The following TNFRSF10B variants were observed in gnomAD, a reference collection of about 807,000 sequenced individuals.
The protein encoded by TNFRSF10B is tumor necrosis factor receptor superfamily member 10B.
A neutral mutation model predicts 41.4 loss-of-function variants in TNFRSF10B; 35 were observed. That is an observed-to-expected ratio of 0.85 (90% confidence interval 0.65 to 1.12). TNFRSF10B has a LOEUF of 1.12. Ranked by LOEUF, TNFRSF10B falls within the 50% of genes most tolerant of loss-of-function variation. The pLI, the probability that TNFRSF10B is intolerant of heterozygous loss-of-function variation, is 0.00. For missense variants in TNFRSF10B, 584 were observed against 552.7 expected (o/e 1.06, Z -0.57); for synonymous variants, 230 against 215.5 (o/e 1.07, Z -0.59).
intron 1 of TNFRSF10B, among the ~76,000 whole-genome samples, chr8:23,067,969 A>G (rs1813044248): frequency 1.3e-5 from 2 of 152,210 alleles, no homozygotes; most frequent in African/African-American, 4.8e-5. Flanking sequence ...TGTTCCCTAC[A>G]AAGCCGACTC....
In TNFRSF10B at chr8:23,060,286, A is replaced by C. The variant is rs192930316; in HGVS notation, c.144+8465T>G. 1.9e-3 allele frequency among the ~76,000 whole-genome samples: 293 copies of C among 152,230 alleles called. 1 individual carries two copies. The highest frequency in any genetic ancestry group is 6.7e-3 in the African/African-American group (280 of 41,540). Reference sequence around the variant, plus strand: ...CTATAGCTTTAGCACTTACATTTACATCTTTTATTTGTTTTTAGCTATTTT... The same window carrying C: ...CTATAGCTTTAGCACTTACATTTACCTCTTTTATTTGTTTTTAGCTATTTT... On this transcript the variant is annotated intron_variant, in intron 1 of 8. Coordinates refer to ENST00000276431, the MANE Select transcript of TNFRSF10B (RefSeq NM_003842.5).
At chr8:23,064,286 G>A (rs1357175520) in intron 1 of TNFRSF10B, among the ~76,000 whole-genome samples, 1 of 152,184 alleles carries the variant, frequency 6.6e-6, no homozygotes, top group African/African-American at 2.4e-5. Context: ...AATGGGGGAG[G>A]GGAGTAAAAA....
intron 1 of TNFRSF10B, among the ~76,000 whole-genome samples, chr8:23,052,669 G>T (rs1245788303): frequency 6.6e-6 from 1 of 152,176 alleles, no homozygotes; most frequent in Admixed American, 6.5e-5. Flanking sequence ...AAATAAGAGA[G>T]ATATACAGAA....
intron 1 of TNFRSF10B, among the ~76,000 whole-genome samples, chr8:23,058,371 C>A (rs527804493): frequency 2.0e-5 from 3 of 152,176 alleles, no homozygotes; most frequent in African/African-American, 4.8e-5. Flanking sequence ...ATTACTATAG[C>A]CAAAATAGTT....
chr8:23,027,277 TC>T lies in TNFRSF10B; in HGVS notation c.791del (p.Arg264HisfsTer13). The T allele has an allele frequency of 6.2e-7, 1 of 1,613,938 alleles. No individual in the cohort carries two copies. Among genetic ancestry groups the T allele is most frequent in the South Asian group, 1.1e-5 (1 of 91,074 alleles). On this transcript the variant is annotated frameshift_variant, in exon 7 of 9. Transcript: ENST00000276431. LOFTEE classifies it high-confidence loss of function. ...TGAGGACATTGTCCTCAGCCCCAGG[TC>T]GTTGTGAGCTCTGGAAAAAGACATT... Reference protein sequence around the residue: ...DPERVDRSSQRPGAEDNVLNE... With the variant: ...DPERVDRSSQXPGAEDNVLNE...
At chr8:23,065,172 G>A (rs78158454) in intron 1 of TNFRSF10B, among the ~76,000 whole-genome samples, 20,764 of 152,140 alleles carry the variant, frequency 0.14, 1,795 homozygotes, top group South Asian at 0.19. Context: ...CCCAACCCAG[G>A]CACAGATTTT....
intron 1 of TNFRSF10B, among the ~76,000 whole-genome samples, chr8:23,061,938 T>G (rs1212660114): frequency 2.0e-5 from 3 of 152,216 alleles, no homozygotes; most frequent in Non-Finnish European, 2.9e-5. Flanking sequence ...TTCTCTCTGA[T>G]AGTATTTTGT....
rs1290148994 is a variant in TNFRSF10B, at chr8:23,021,610, G to A, written c.*1061C>T. 1 of 454,142 alleles carries A rather than the reference G, an allele frequency of 2.2e-6. No homozygotes were observed. Among genetic ancestry groups the A allele is most frequent in the East Asian group, 6.9e-5 (1 of 14,400 alleles). 28.1% of individuals were successfully genotyped at this position (454,142 alleles called of 1,614,324 possible). A position where few individuals can be genotyped will look rare whatever the true frequency, so the allele number is the denominator to read the frequency against. ...CTGTCCATAGATGGGGGCTATGGGT[G>A]CAAATGAGACTGCCCAGGTAGGGAC... is the stretch of plus-strand genomic sequence containing the variant. On this transcript the variant is annotated 3_prime_UTR_variant, in exon 9 of 9. Coordinates refer to ENST00000276431, the MANE Select transcript of TNFRSF10B (RefSeq NM_003842.5).
intron 2 of TNFRSF10B, among the ~76,000 whole-genome samples, chr8:23,041,635 A>C (rs1812206135): frequency 6.6e-6 from 1 of 151,464 alleles, no homozygotes; most frequent in South Asian, 2.1e-4. Flanking sequence ...CTAACCTCTT[A>C]CTAGGAGTGA....
chr8:23,024,061 T>C (rs1203056753), intron 8 of TNFRSF10B, 127 bp downstream of exon 8: 7 of 1,183,960 alleles, frequency 5.9e-6, no homozygotes, highest in South Asian at 3.7e-5. Context: ...AGATGGTCTA[T>C]AGCACAGGAC....
chr8:23,030,815 T>C lies in TNFRSF10B; in HGVS notation c.308A>G (p.Tyr103Cys), dbSNP rs1476101331. The C allele has an allele frequency of 1.9e-6, 3 of 1,613,324 alleles. No individual in the cohort carries two copies. The highest frequency in any genetic ancestry group is 1.7e-6 in the Non-Finnish European group (2 of 1,179,676). ...AAGGAGGTCATTCCAGTGAGTGCTATAGTCCTGTCCATATTTGCAGGAGAT... is the reference window on the plus strand; with the variant it reads ...AAGGAGGTCATTCCAGTGAGTGCTACAGTCCTGTCCATATTTGCAGGAGAT... ...DCISCKYGQD[Y>C]STHWNDLLFC... The change falls in exon 3 of 9, where the codon TAT becomes TGT. Residue 103 changes from tyrosine (Y) to cysteine (C), a missense_variant. By Grantham distance (194) the Tyr-to-Cys change is radical. Coordinates refer to ENST00000276431, the MANE Select transcript of TNFRSF10B (RefSeq NM_003842.5).
At chr8:23,039,770 T>C (rs898094929) in intron 2 of TNFRSF10B, among the ~76,000 whole-genome samples, 1 of 152,038 alleles carries the variant, frequency 6.6e-6, no homozygotes. Flanking sequence ...ACAGCAACAA[T>C]AGAAAGCTGG....
Position 23,054,190 on chromosome 8 carries a change from CGTT to C in TNFRSF10B, c.145-10950_145-10948del, listed in dbSNP as rs532570804. ...TTGTGACATCAAAATAGAGGAAAAA[CGTT>C]GATGACTCTTGAAGAGTTAAAATGT... is the stretch of plus-strand genomic sequence containing the variant. On this transcript the variant is annotated intron_variant, in intron 1 of 8. Coordinates refer to ENST00000276431, the MANE Select transcript of TNFRSF10B (RefSeq NM_003842.5). 3.0e-3 allele frequency among the ~76,000 whole-genome samples: 458 copies of C among 152,248 alleles called. 1 individual carries two copies. Among genetic ancestry groups the C allele is most frequent in the Admixed American group, 4.8e-3 (74 of 15,288 alleles).
intron 1 of TNFRSF10B, among the ~76,000 whole-genome samples, chr8:23,067,879 G>A (rs1379259849): frequency 6.6e-6 from 1 of 152,108 alleles, no homozygotes; most frequent in Non-Finnish European, 1.5e-5. Flanking sequence ...TCTGAGCTGC[G>A]GTCTCTTCCT....
chr8:23,032,527 C>CGA (rs10628409), intron 2 of TNFRSF10B, among the ~76,000 whole-genome samples: 13,408 of 152,154 alleles, frequency 0.088, 690 homozygotes, highest in East Asian at 0.18. Flanking sequence ...TAATTCCATA[C>CGA]GACTTTGAAT....
chr8:23,023,065 A>C (rs1811587983), intron 8 of TNFRSF10B, 81 bp from the exon 9 acceptor site: 11 of 1,542,648 alleles, frequency 7.1e-6, no homozygotes, highest in Non-Finnish European at 9.6e-6. Flanking sequence ...CCCAGAACCC[A>C]AGGCGGGGAA....
rs1358127047 is a variant in TNFRSF10B at position 23,020,684 on chromosome 8, T to C, written c.*1987A>G. 2.2e-6 allele frequency: 1 copy of C among 453,818 alleles called. No homozygotes were observed. The highest frequency in any genetic ancestry group is 2.0e-5 in the African/African-American group (1 of 50,030). 28.1% of individuals were successfully genotyped at this position (453,818 alleles called of 1,614,324 possible). ...TCCAGCCTGGGCGAGAGAGTGAGAT[T>C]CTGTCTCAAAAAAATTAAAAATAAA... On this transcript the variant is annotated 3_prime_UTR_variant, in exon 9 of 9. Transcript: ENST00000276431.
intron 1 of TNFRSF10B, among the ~76,000 whole-genome samples, chr8:23,061,320 T>C (rs1293582585): frequency 6.6e-6 from 1 of 152,216 alleles, no homozygotes; most frequent in Non-Finnish European, 1.5e-5. Flanking sequence ...TAAGGCAAGT[T>C]TCTTACCACT....
At chr8:23,028,717 C>T (rs10092564) in intron 4 of TNFRSF10B, 115 bp from the exon 5 acceptor site, 341,214 of 1,327,016 alleles carry the variant, frequency 0.26, 45,227 homozygotes, top group Admixed American at 0.33. Context: ...AGGGGAAGGA[C>T]AGTCTCCTCG....
Sources: gnomAD v4.1 joint callset for allele counts (sites outside exome capture counted in the v4.1 genomes callset) on GRCh38, gnomAD v4.1.1 for gene constraint, MANE v1.5 for transcripts, NCBI Gene and HGNC (gene_info 2026-07-23, HGNC 2026-07-21) for gene names.